CLDN16: variants seen among roughly 807,000 people sequenced by gnomAD.
CLDN16 encodes the protein claudin 16, also known as claudin-16.
In CLDN16, 13 loss-of-function variants were observed where a neutral mutation model predicts 24.6. The ratio of observed to expected loss-of-function variants is 0.53; its 90% CI spans 0.34 to 0.84. The LOEUF (loss-of-function observed/expected upper bound fraction) is 0.84. Among genes scored for constraint, CLDN16 ranks in the 40% least tolerant of loss-of-function variants. The pLI, the probability that CLDN16 is intolerant of heterozygous loss-of-function variation, is 0.01. For missense variants in CLDN16, 298 were observed against 292.7 expected, an observed-to-expected ratio of 1.02 and a Z score of -0.13; for synonymous variants, 116 against 106.7, an observed-to-expected ratio of 1.09 and a Z score of -0.54.
At chr3:190,373,059 C>G (rs1204236885) in intron 2 of CLDN16, among the ~76,000 whole-genome samples, 1 of 151,988 alleles carries the variant, frequency 6.6e-6, no homozygotes, top group Non-Finnish European at 1.5e-5. Flanking sequence ...CCTGACATAG[C>G]CTACCTGCTC....
chr3:190,402,503 T>C, intron 2 of CLDN16, 64 bp downstream of exon 2: 1 of 1,291,604 alleles, frequency 7.7e-7, no homozygotes. Flanking sequence ...TGAGTTCAGG[T>C]TTCCATTTTG....
upstream of CLDN16, chr3:190,322,044 C>T (rs1381480263): frequency 6.2e-7 from 1 of 1,614,188 alleles, no homozygotes; most frequent in East Asian, 2.2e-5. Context: ...CTCTGCGACA[C>T]GCAGGACATC....
At chr3:190,409,247 T>C (rs141880635) in intron 4 of CLDN16, among the ~76,000 whole-genome samples, 52 of 151,662 alleles carry the variant, frequency 3.4e-4, no homozygotes, top group African/African-American at 1.2e-3. Context: ...TGCACACACG[T>C]ATATGCATGT....
In CLDN16 at chr3:190,410,188, T is replaced by G; in HGVS notation, c.*152T>G. The G allele has an allele frequency of 1.1e-6, 1 of 883,086 alleles. No homozygotes were observed. Among genetic ancestry groups the G allele is most frequent in the Non-Finnish European group, 1.8e-6 (1 of 553,970 alleles). 54.7% of individuals were successfully genotyped at this position (883,086 alleles called of 1,614,324 possible). A position where few individuals can be genotyped will look rare whatever the true frequency, so the allele number is the denominator to read the frequency against. On this transcript the variant is annotated 3_prime_UTR_variant, in exon 5 of 5. Transcript: ENST00000264734. ...ATCAAAATGTTTGATTCTCCTATAC[T>G]TTTTCTTTCTATTACTCTTATATTT... is the stretch of plus-strand genomic sequence containing the variant.
rs191917223 is a variant in CLDN16 at position 190,355,644 on chromosome 3, T to A, written n.122-15249T>A. On this transcript the variant is annotated intron_variant and non_coding_transcript_variant, in intron 1 of 4. Transcript: ENST00000468220. ...CTAGTAATCCTAGTAATAAATATTC[T>A]TGTTGTTACAATGTTTTATATGAAA... 1.6e-3 allele frequency among the ~76,000 whole-genome samples: 249 copies of A among 151,934 alleles called. 2 individuals carry two copies. The highest frequency in any genetic ancestry group is 4.9e-3 in the African/African-American group (202 of 41,468).
intron 4 of CLDN16, 98 bp from the exon 5 acceptor site, chr3:190,409,805 A>G (rs960583285): frequency 9.0e-7 from 1 of 1,116,962 alleles, no homozygotes; most frequent in Admixed American, 1.9e-5. Context: ...TTGAGTATCT[A>G]TATTCTTGTT....
upstream of CLDN16, among the ~76,000 whole-genome samples, chr3:190,319,456 G>A (rs111865073): frequency 5.1e-3 from 772 of 152,284 alleles, 11 homozygotes; most frequent in African/African-American, 0.018. Flanking sequence ...AAAAGAAGAA[G>A]CCTTGCTCTA....
Position 190,363,554 on chromosome 3 carries a change from G to GCATATATATATATATA in CLDN16, n.122-7339_122-7338insCATATATATATATATA, listed in dbSNP as rs10663299. On this transcript the variant is annotated intron_variant and non_coding_transcript_variant, in intron 1 of 4. Transcript: ENST00000468220. ...CCAGTTGCTGTGCGTGTGTGTGTGTGTGTATATATATATATATATATATAT... is the reference window on the plus strand; with the variant it reads ...CCAGTTGCTGTGCGTGTGTGTGTGTGCATATATATATATATATGTATATATATATATATATATATAT... 1.1e-3 allele frequency among the ~76,000 whole-genome samples: 87 copies of GCATATATATATATATA among 81,340 alleles called. 17 individuals carry two copies. The highest frequency in any genetic ancestry group is 1.8e-3 in the East Asian group (4 of 2,266). 53.4% of individuals were successfully genotyped at this position (81,340 alleles called of 152,430 possible).
At chr3:190,334,304 A>C (rs2108625079) in intron 1 of CLDN16, among the ~76,000 whole-genome samples, 1 of 152,312 alleles carries the variant, frequency 6.6e-6, no homozygotes, top group African/African-American at 2.4e-5. Context: ...TAAGAGGAAA[A>C]GTATTTGAGA....
At chr3:190,404,994 A>T (rs1447978357) in intron 3 of CLDN16, 68 bp downstream of exon 3, 1 of 1,498,216 alleles carries the variant, frequency 6.7e-7, no homozygotes, top group Non-Finnish European at 9.3e-7. Flanking sequence ...TGAAGGAGAG[A>T]GTTGTGCTGA....
chr3:190,356,250 C>A (rs947144336), intron 1 of CLDN16, among the ~76,000 whole-genome samples: 1 of 151,484 alleles, frequency 6.6e-6, no homozygotes, highest in African/African-American at 2.4e-5. Context: ...TAATAAAAAA[C>A]AAGCTTGAAT....
chr3:190,312,836 G>A, the CLDN16 span: 1 of 1,608,886 alleles, frequency 6.2e-7, no homozygotes, highest in Non-Finnish European at 8.5e-7. Flanking sequence ...CCAGGAACAG[G>A]TTAGTAAGGT....
At chr3:190,317,990 C>G (rs138442992), upstream of CLDN16, among the ~76,000 whole-genome samples, 728 of 152,258 alleles carry the variant, frequency 4.8e-3, 4 homozygotes, top group Middle Eastern at 0.01. Flanking sequence ...CTTCCTTCTC[C>G]CCTGCAATTA....
the CLDN16 span, chr3:190,313,125 T>C: frequency 3.4e-6 from 5 of 1,482,816 alleles, no homozygotes; most frequent in South Asian, 1.1e-5. Context: ...CACTGTTGTA[T>C]GGAAGAGAGA....
At chr3:190,394,996 G>C (rs2108663206) in intron 1 of CLDN16, among the ~76,000 whole-genome samples, 1 of 152,098 alleles carries the variant, frequency 6.6e-6, no homozygotes, top group South Asian at 2.1e-4. Context: ...AAAGAAAACA[G>C]AGAGAAAAAA....
the CLDN16 span, among the ~76,000 whole-genome samples, chr3:190,300,866 G>A: frequency 6.6e-6 from 1 of 152,104 alleles, no homozygotes. Context: ...AGAATCCAGG[G>A]CTGGTCTGTG....
intron 1 of CLDN16, among the ~76,000 whole-genome samples, chr3:190,324,987 T>C: frequency 6.6e-6 from 1 of 152,216 alleles, no homozygotes; most frequent in South Asian, 2.1e-4. Flanking sequence ...AAATCTGCTA[T>C]GTACCCTCAG....
intron 3 of CLDN16, 128 bp from the exon 4 acceptor site, chr3:190,408,186 C>T (rs975332085): frequency 2.2e-6 from 2 of 897,570 alleles, no homozygotes; most frequent in Middle Eastern, 2.2e-4. Context: ...TTCGGGTTGC[C>T]CATGAATCCA....
chr3:190,380,160 T>TCCTTCCTTTTCTTCCTTCCCTC (rs1248737213), intron 3 of CLDN16, among the ~76,000 whole-genome samples: 4 of 132,486 alleles, frequency 3.0e-5, no homozygotes, highest in African/African-American at 1.1e-4. Context: ...TTCCCTCCCT[T>TCCTTCCTTTTCTTCCTTCCCTC]CCTTCCTTCC....
Sources: gnomAD v4.1 joint callset for allele counts (sites outside exome capture counted in the v4.1 genomes callset) on GRCh38, gnomAD v4.1.1 for gene constraint, MANE v1.5 for transcripts, NCBI Gene and HGNC (gene_info 2026-07-23, HGNC 2026-07-21) for gene names.